Variants in UBTF observed in about 807,000 individuals in gnomAD.
The protein encoded by UBTF is upstream binding transcription factor.
UBTF carries 8 observed loss-of-function variants against 112.3 expected under a neutral mutation model. That is an observed-to-expected ratio of 0.07 (90% CI 0.04 to 0.13). The LOEUF is 0.13. UBTF is among the 10% of genes least tolerant of loss of function. The pLI, the probability that UBTF is intolerant of heterozygous loss-of-function variation, is 1.00. For synonymous variants in UBTF, 417 were observed against 373.1 expected, an observed-to-expected ratio of 1.12 and a Z score of -1.36; for missense variants, 457 against 982.1, an observed-to-expected ratio of 0.47 and a Z score of 7.15.
At chr17:44,216,489 G>C (rs765679124) in intron 3 of UBTF, 40 bp downstream of exon 3, 5 of 1,605,294 alleles carry the variant, frequency 3.1e-6, no homozygotes, top group African/African-American at 1.3e-5. Context: ...CACGCTGAGT[G>C]GGGGGTATGT....
rs776324058 is a variant in UBTF, at chr17:44,210,515, G to A, written c.1360-42C>T. The A allele has an allele frequency of 1.9e-5, 29 of 1,521,828 alleles. No individual in the cohort carries two copies. The South Asian group carries it at 2.7e-4, about 14-fold the overall frequency. The allele number at this position is 1,521,828 out of a possible 1,614,324, so 94.3% of individuals were successfully genotyped here. A position where few individuals can be genotyped will look rare whatever the true frequency, so the allele number is the denominator to read the frequency against. On this transcript the variant is annotated intron_variant, in intron 13 of 20. Transcript: ENST00000436088. ...GGCGTCAGCCTTCCACCCACCCCCAGGGGGCGCGCGCTCCCCGCGCAGCAG... is the reference window on the plus strand; with the variant it reads ...GGCGTCAGCCTTCCACCCACCCCCAAGGGGCGCGCGCTCCCCGCGCAGCAG...
In UBTF at chr17:44,218,291, C is replaced by G; in HGVS notation, c.-62G>C. On this transcript the variant is annotated 5_prime_UTR_variant, in exon 2 of 21. Transcript: ENST00000436088. ...CCGGGCAACCCGGGGTCAAAGCCAC[C>G]TCACCCTTTGGAAGACATACCAGTT... 2 of 1,584,198 alleles carry G rather than the reference C, an allele frequency of 1.3e-6. No homozygotes were observed. The highest frequency in any genetic ancestry group is 1.7e-6 in the Non-Finnish European group (2 of 1,159,694).
At chr17:44,212,095 A>G in intron 8 of UBTF, 89 bp from the exon 9 acceptor site, 1 of 1,421,962 alleles carries the variant, frequency 7.0e-7, no homozygotes, top group East Asian at 2.4e-5. Context: ...GAGGGCAGGC[A>G]GGGAGCAAAG....
chr17:44,220,100 G>A (rs1411579196), upstream of UBTF, among the ~76,000 whole-genome samples: 400 of 148,922 alleles, frequency 2.7e-3, 4 homozygotes, highest in Admixed American at 0.02. Flanking sequence ...GGGGGGGCCG[G>A]GGCAGGGAGA....
rs1159502076 is a variant in UBTF at position 44,211,502 on chromosome 17, G to C, written c.1047+104C>G. The C allele has an allele frequency of 2.6e-6, 4 of 1,557,098 alleles. No individual in the cohort carries two copies. The African/African-American group carries it at 4.1e-5, about 16-fold the overall frequency. ...CAGCCCAGCCCCACACTGTATTGGA[G>C]GCAGGTACCCAAGGCACACGCCACC... On this transcript the variant is annotated intron_variant, in intron 10 of 20. Transcript: ENST00000436088. This position sits in a 1 kb window ranked among gnomAD's most constrained non-coding sequence, Gnocchi z 4.9.
chr17:44,210,269 GT>G, intron 14 of UBTF, 35 bp from the exon 15 acceptor site: 1 of 1,614,250 alleles, frequency 6.2e-7, no homozygotes, highest in Non-Finnish European at 8.5e-7. Flanking sequence ...CGTGGGAGGG[GT>G]CACCCGGGGC....
At chr17:44,209,981 G>A (rs1000281464) in intron 15 of UBTF, 143 bp downstream of exon 15, 1 of 930,422 alleles carries the variant, frequency 1.1e-6, no homozygotes, top group Non-Finnish European at 1.7e-6. Context: ...CCACCTTACT[G>A]ATGAGAGACA....
intron 6 of UBTF, 116 bp downstream of exon 6, chr17:44,213,102 A>G (rs2056800167): frequency 1.3e-6 from 2 of 1,534,368 alleles, no homozygotes; most frequent in Admixed American, 1.8e-5. Flanking sequence ...TAGGGCTCAC[A>G]TGTGACCCAT....
At chr17:44,215,367 G>A in intron 5 of UBTF, 1 of 434,318 alleles carries the variant, frequency 2.3e-6, no homozygotes, top group South Asian at 2.8e-5. Context: ...GAGGATGGGT[G>A]TATGGGGGAG....
At chr17:44,218,808 C>T (rs1232084688) in intron 1 of UBTF, among the ~76,000 whole-genome samples, 1 of 150,594 alleles carries the variant, frequency 6.6e-6, no homozygotes, top group African/African-American at 2.4e-5. Context: ...CAGCCGCCGC[C>T]AGCCCCGGAG....
At chr17:44,215,282 G>C (rs2046791263) in intron 5 of UBTF, 1 of 195,364 alleles carries the variant, frequency 5.1e-6, no homozygotes, top group Non-Finnish European at 1.1e-5. Flanking sequence ...CCTTTATAAA[G>C]ACATTGCAAG....
At chr17:44,221,007 G>C (rs957328151), upstream of UBTF, 1 of 150,808 alleles carries the variant, frequency 6.6e-6, no homozygotes. Flanking sequence ...CGCCTCCCGG[G>C]CCACCCCGGC....
intron 13 of UBTF, 81 bp from the exon 14 acceptor site, chr17:44,210,554 G>A: frequency 6.9e-7 from 1 of 1,458,422 alleles, no homozygotes; most frequent in Non-Finnish European, 9.0e-7. Flanking sequence ...AGGCGCTCCC[G>A]CCGGCGGGCA....
In UBTF at chr17:44,215,741, C is replaced by T; in HGVS notation, c.387G>A (p.Lys129=). The T allele has an allele frequency of 1.2e-6, 2 of 1,614,098 alleles. No homozygotes were observed. The highest frequency in any genetic ancestry group is 1.7e-6 in the Non-Finnish European group (2 of 1,180,008). ...YFRFFMEKRA[K]YAKLHPEMSN... ...TCATCTCAGGGTGGAGTTTCGCATA[C>T]TTGGCCCGCTTCTCCATGAAGAAGC... Residue 129 remains lysine, a synonymous_variant, in exon 5 of 21, where the codon AAG becomes AAA. Coordinates refer to ENST00000436088, the MANE Select transcript of UBTF (RefSeq NM_014233.4).
Position 44,209,397 on chromosome 17 carries a change from C to G in UBTF, c.1860G>C (p.Glu620Asp), listed in dbSNP as rs1320552786. Residue 620 changes from glutamate to aspartate, a missense_variant, in exon 17 of 21, where the codon GAG (glutamate) becomes GAC (aspartate). Glu to Asp is a conservative substitution (Grantham distance 45). Coordinates refer to ENST00000436088, the MANE Select transcript of UBTF (RefSeq NM_014233.4). ...SQKEHYKKLA[E>D]EQQKQYKVHL... ...GCACCTTGTACTGCTTTTGCTGCTC[C>G]TCGGCCAGCTTTTTGTAGTGCTCCT... is the stretch of plus-strand genomic sequence containing the variant. 15 of 1,613,690 alleles carry G rather than the reference C, an allele frequency of 9.3e-6. No homozygotes were observed. The highest frequency in any genetic ancestry group is 1.3e-5 in the Non-Finnish European group (15 of 1,179,726).
chr17:44,212,606 G>A (rs1304597030), intron 7 of UBTF, 152 bp from the exon 8 acceptor site: 11 of 1,060,892 alleles, frequency 1.0e-5, no homozygotes, highest in Non-Finnish European at 1.5e-5. Context: ...GGAGAGGCGG[G>A]GATCCCGCCT....
chr17:44,214,822 T>C (rs1194421296), intron 5 of UBTF, among the ~76,000 whole-genome samples: 1 of 152,178 alleles, frequency 6.6e-6, no homozygotes, highest in Non-Finnish European at 1.5e-5. Flanking sequence ...CCTGCTGCCC[T>C]TCCCCATCTA....
Position 44,218,290 on chromosome 17 carries a change from C to A in UBTF, c.-61G>T. 1 of 1,585,476 alleles carries A rather than the reference C, an allele frequency of 6.3e-7. No individual in the cohort carries two copies. Among genetic ancestry groups the A allele is most frequent in the Non-Finnish European group, 8.6e-7 (1 of 1,160,714 alleles). On this transcript the variant is annotated 5_prime_UTR_variant, in exon 2 of 21. Coordinates refer to ENST00000436088, the MANE Select transcript of UBTF (RefSeq NM_014233.4). The stretch of plus-strand genomic sequence containing the variant: ...GCCGGGCAACCCGGGGTCAAAGCCA[C>A]CTCACCCTTTGGAAGACATACCAGT...
Position 44,210,416 on chromosome 17 carries a change from C to T in UBTF, c.1417G>A (p.Gly473Arg), listed in dbSNP as rs767377526. 1 of 1,614,066 alleles carries T rather than the reference C, an allele frequency of 6.2e-7. No individual in the cohort carries two copies. ...LKAQSERKPG[G>R]EREERGKLPE... Reference sequence around the variant, plus strand: ...AGCTTGCCCCGTTCCTCGCGCTCCCCGCCGGGCTTCCTCTCCGACTGAGCC... The same window carrying T: ...AGCTTGCCCCGTTCCTCGCGCTCCCTGCCGGGCTTCCTCTCCGACTGAGCC... The change falls in exon 14 of 21, where the codon GGG becomes AGG. Residue 473 changes from glycine (G) to arginine (R), a missense_variant. Transcript: ENST00000436088.
Sources: allele counts gnomAD v4.1 joint callset (sites outside exome capture counted in the v4.1 genomes callset), GRCh38; gene constraint gnomAD v4.1.1; non-coding constraint Gnocchi (gnomAD v3.1); transcripts MANE v1.5; gene names NCBI Gene and HGNC (gene_info 2026-07-23, HGNC 2026-07-21).